Variants in LIX1 observed in about 807,000 individuals in gnomAD.
LIX1 encodes the protein protein limb expression 1 homolog.
LIX1 carries 24 observed loss-of-function variants against 33.4 expected under a neutral mutation model. The ratio of observed to expected loss-of-function variants is 0.72; its 90% CI spans 0.52 to 1.01. LIX1 has a LOEUF of 1.01. LIX1 is among the 50% of genes least tolerant of loss of function. The probability of loss-of-function intolerance (pLI) is 0.00; values close to 1 mark genes in which losing one functional copy is unlikely to be tolerated. For missense variants in LIX1, 311 were observed against 339.2 expected, an observed-to-expected ratio of 0.92 and a Z score of 0.65; for synonymous variants, 124 against 124.0, an observed-to-expected ratio of 1.00 and a Z score of 0.00.
Position 97,094,658 on chromosome 5 carries a change from G to C in LIX1, c.*90C>G, listed in dbSNP as rs1746251086. 1 of 1,232,698 alleles carries C rather than the reference G, an allele frequency of 8.1e-7. No individual in the cohort carries two copies. Among genetic ancestry groups the C allele is most frequent in the Admixed American group, 2.0e-5 (1 of 48,830 alleles). 76.4% of individuals were successfully genotyped at this position (1,232,698 alleles called of 1,614,324 possible). On this transcript the variant is annotated 3_prime_UTR_variant, in exon 6 of 6. Transcript: ENST00000274382. The stretch of plus-strand genomic sequence containing the variant: ...AGGAGAGCCTTCAGGTAGTACTAGA[G>C]ATGCTGGAGCCTCTGAGGACCTCTG...
chr5:97,133,143 C>T (rs916202383), intron 1 of LIX1, among the ~76,000 whole-genome samples: 10 of 152,138 alleles, frequency 6.6e-5, no homozygotes, highest in African/African-American at 2.4e-4. Context: ...ATAGAAGAGT[C>T]CTCAAATACA....
chr5:97,109,037 C>T (rs528019442), intron 2 of LIX1, among the ~76,000 whole-genome samples: 16 of 152,234 alleles, frequency 1.1e-4, no homozygotes, highest in African/African-American at 2.6e-4. Flanking sequence ...GTCCCGGGAA[C>T]GCTCCAGACT....
chr5:97,107,444 G>A lies in LIX1; in HGVS notation c.303C>T (p.Asn101=). 1.2e-6 allele frequency: 2 copies of A among 1,613,552 alleles called. No homozygotes were observed. Among genetic ancestry groups the A allele is most frequent in the African/African-American group, 1.3e-5 (1 of 75,040 alleles). ...GAGAGGGCAGCTCATTGAAGAGGGA[G>A]TTGATCAGGGCCACTTTAGCTGCAT... The part of the protein sequence containing the change: ...RRDAAKVALI[N]SLFNELPSRR... Residue 101 remains asparagine, a synonymous_variant, in exon 3 of 6, where the codon AAC becomes AAT. Coordinates refer to ENST00000274382, the MANE Select transcript of LIX1 (RefSeq NM_153234.5).
chr5:97,130,034 T>G (rs1170712701), intron 1 of LIX1, among the ~76,000 whole-genome samples: 8 of 152,258 alleles, frequency 5.3e-5, no homozygotes, highest in Non-Finnish European at 1.2e-4. Context: ...GCAGTCCATG[T>G]GCACGTAAAC....
At chr5:97,119,848 G>A (rs1183501184) in intron 2 of LIX1, among the ~76,000 whole-genome samples, 5 of 151,300 alleles carry the variant, frequency 3.3e-5, no homozygotes, top group East Asian at 3.9e-4. Context: ...ATACTTCTCC[G>A]GGTAGCAAAA....
At chr5:97,111,952 T>C (rs1225765181) in intron 2 of LIX1, among the ~76,000 whole-genome samples, 1 of 152,244 alleles carries the variant, frequency 6.6e-6, no homozygotes, top group Non-Finnish European at 1.5e-5. Flanking sequence ...ATTATTTCAA[T>C]GTACAGAATC....
intron 1 of LIX1, 29 bp downstream of exon 1, chr5:97,142,466 C>A: frequency 6.4e-7 from 1 of 1,562,370 alleles, no homozygotes; most frequent in South Asian, 1.1e-5. Flanking sequence ...TCTAAAAAGT[C>A]AAAAAACTTT....
At chr5:97,098,493 G>T (rs1746507945) in intron 4 of LIX1, among the ~76,000 whole-genome samples, 1 of 152,116 alleles carries the variant, frequency 6.6e-6, no homozygotes, top group Admixed American at 6.5e-5. Flanking sequence ...TGTGGTTATT[G>T]AAATTATTGA....
rs576922411 is a variant in LIX1 at position 97,096,914 on chromosome 5, G to A, written c.484-27C>T. 21 of 1,570,426 alleles carry A rather than the reference G, an allele frequency of 1.3e-5. No homozygotes were observed. In the South Asian group the frequency reaches 2.1e-4, roughly 16 times the overall value. ...TACAAAACCCAAACACCTATCATTGGTCCCAAAGCAGAAATGTGCATTGGT... is the reference window on the plus strand; with the variant it reads ...TACAAAACCCAAACACCTATCATTGATCCCAAAGCAGAAATGTGCATTGGT... On this transcript the variant is annotated intron_variant, in intron 4 of 5. Transcript: ENST00000274382.
At chr5:97,130,199 A>G (rs577489038) in intron 1 of LIX1, among the ~76,000 whole-genome samples, 16 of 152,296 alleles carry the variant, frequency 1.1e-4, no homozygotes, top group Non-Finnish European at 1.9e-4. Context: ...ATAAGACTCA[A>G]TGACAGAGAT....
intron 4 of LIX1, among the ~76,000 whole-genome samples, chr5:97,097,651 C>G (rs1372261033): frequency 6.6e-6 from 1 of 152,098 alleles, no homozygotes; most frequent in Admixed American, 6.5e-5. Flanking sequence ...ATCTTAAAAC[C>G]ATTTAACTCT....
chr5:97,096,930 G>C, intron 4 of LIX1, 43 bp from the exon 5 acceptor site: 2 of 1,416,984 alleles, frequency 1.4e-6, no homozygotes, highest in Non-Finnish European at 2.0e-6. Flanking sequence ...AAGCAGAAAT[G>C]TGCATTGGTG....
chr5:97,142,581 G>A lies in LIX1; in HGVS notation c.-5C>T, dbSNP rs769092203. On this transcript the variant is annotated 5_prime_UTR_variant, in exon 1 of 6. Coordinates refer to ENST00000274382, the MANE Select transcript of LIX1 (RefSeq NM_153234.5). ...AGATTCCAAGGTTCTGTCCATCTTG[G>A]GTCTGCCTGTGTGAGCCTCCTGTAC... 4.3e-6 allele frequency: 7 copies of A among 1,613,462 alleles called. No individual in the cohort carries two copies. Among genetic ancestry groups the A allele is most frequent in the Non-Finnish European group, 5.1e-6 (6 of 1,179,488 alleles).
intron 2 of LIX1, 63 bp from the exon 3 acceptor site, chr5:97,107,563 C>A: frequency 6.6e-7 from 1 of 1,515,548 alleles, no homozygotes; most frequent in Non-Finnish European, 9.2e-7. Flanking sequence ...TCCACTCCTG[C>A]ATCAATGGGT....
At chr5:97,103,971 GAAAAA>G (rs36039071) in intron 4 of LIX1, among the ~76,000 whole-genome samples, 1 of 107,404 alleles carries the variant, frequency 9.3e-6, no homozygotes, top group Non-Finnish European at 2.1e-5. Context: ...TCTCAAAAAA[GAAAAA>G]AAAAAAAAAA....
At chr5:97,111,369 G>A (rs928112925) in intron 2 of LIX1, among the ~76,000 whole-genome samples, 76 of 152,172 alleles carry the variant, frequency 5.0e-4, no homozygotes, top group African/African-American at 1.8e-3. Context: ...AACCGTCTAT[G>A]GTATGTGTAA....
At chr5:97,123,940 G>A (rs1169240224) in intron 2 of LIX1, among the ~76,000 whole-genome samples, 3 of 152,096 alleles carry the variant, frequency 2.0e-5, no homozygotes. Flanking sequence ...TAGGTTTGTA[G>A]GTCTGTTTAT....
intron 2 of LIX1, among the ~76,000 whole-genome samples, chr5:97,108,489 T>C (rs1334240722): frequency 6.6e-6 from 1 of 152,176 alleles, no homozygotes; most frequent in Non-Finnish European, 1.5e-5. Flanking sequence ...ACAACTCCCA[T>C]TTTTCAAGTT....
At position 97,093,953 on chromosome 5, in the gene LIX1, A is replaced by G. The variant is rs1746206010; in HGVS notation, c.*795T>C. On this transcript the variant is annotated 3_prime_UTR_variant, in exon 6 of 6. Coordinates refer to ENST00000274382, the MANE Select transcript of LIX1 (RefSeq NM_153234.5). ...TAGATATATGTTTGCAGTGGCAAAA[A>G]ATAAGAACAAATTAGTTCAGGTTAT... The G allele has an allele frequency of 6.6e-6, 1 of 152,380 alleles. No homozygotes were observed. The highest frequency in any genetic ancestry group is 1.5e-5 in the Non-Finnish European group (1 of 68,034). The allele number at this position is 152,380 out of a possible 1,614,324, so 9.4% of individuals were successfully genotyped here. A position where few individuals can be genotyped will look rare whatever the true frequency, so the allele number is the denominator to read the frequency against.
Sources: allele counts gnomAD v4.1 joint callset (sites outside exome capture counted in the v4.1 genomes callset), GRCh38; gene constraint gnomAD v4.1.1; transcripts MANE v1.5; gene names NCBI Gene and HGNC (gene_info 2026-07-23, HGNC 2026-07-21).